The following OSBPL10 variants were observed in gnomAD, a reference collection of about 807,000 sequenced individuals.
The protein encoded by OSBPL10 is oxysterol binding protein like 10.
A neutral mutation model predicts 81.7 loss-of-function variants in OSBPL10; 49 were observed. The observed-to-expected ratio is 0.60, with a 90% CI of 0.48 to 0.76. OSBPL10 has a LOEUF of 0.76. Among genes scored for constraint, OSBPL10 ranks in the 30% least tolerant of loss-of-function variants. OSBPL10 has a pLI of 0.00. For synonymous variants in OSBPL10, 419 were observed against 383.6 expected (o/e 1.09, Z -1.08); for missense variants, 923 against 987.8 (o/e 0.93, Z 0.88).
Position 31,911,624 on chromosome 3 carries a change from C to T in OSBPL10, c.282-31794G>A, listed in dbSNP as rs190915967. On this transcript the variant is annotated intron_variant, in intron 1 of 11. Transcript: ENST00000396556. ...TAGCTGATGGACTTTAAAAAAAAAT[C>T]TCAAAAAAAAAAAAACTCATGTTTT... Among the ~76,000 whole-genome samples the T allele has an allele frequency of 6.6e-5, 10 of 150,480 alleles. No individual in the cohort carries two copies. In the East Asian group the frequency reaches 1.7e-3, roughly 26 times the overall value.
intron 3 of OSBPL10, among the ~76,000 whole-genome samples, chr3:31,863,966 A>C (rs1701116405): frequency 6.6e-6 from 1 of 152,222 alleles, no homozygotes; most frequent in Non-Finnish European, 1.5e-5. Flanking sequence ...AAGGAGAAGA[A>C]GAAGGAAGAA....
At chr3:31,688,030 C>T (rs939787030) in intron 7 of OSBPL10, among the ~76,000 whole-genome samples, 1 of 151,906 alleles carries the variant, frequency 6.6e-6, no homozygotes. Flanking sequence ...CAAGAAAATC[C>T]ACCATTCCAA....
chr3:32,043,157 A>C (rs1387449579), intron 2 of OSBPL10, among the ~76,000 whole-genome samples: 1 of 151,772 alleles, frequency 6.6e-6, no homozygotes, highest in Non-Finnish European at 1.5e-5. Context: ...CTGTTTATAG[A>C]CCTCCCCCAA....
At chr3:31,688,181 A>G (rs1309547498) in intron 7 of OSBPL10, among the ~76,000 whole-genome samples, 1 of 151,728 alleles carries the variant, frequency 6.6e-6, no homozygotes, top group Admixed American at 6.6e-5. Flanking sequence ...TCATCTTTCT[A>G]AAATCTATGT....
rs200732197 is a variant in OSBPL10, at chr3:31,810,426, AT to A, written c.729+19613del. Among the ~76,000 whole-genome samples, 603 of 151,338 alleles carry A rather than the reference AT, an allele frequency of 4.0e-3. 12 individuals are homozygous for A. Among genetic ancestry groups the A allele is most frequent in the South Asian group, 0.036 (173 of 4,800 alleles). Reference sequence around the variant, plus strand: ...AAACAATAATCTTAGAGTGAAAAAAATGTTTATAATAATGACACAGAACTCC... The same window carrying A: ...AAACAATAATCTTAGAGTGAAAAAAAGTTTATAATAATGACACAGAACTCC... On this transcript the variant is annotated intron_variant, in intron 4 of 11. Coordinates refer to ENST00000396556, the MANE Select transcript of OSBPL10 (RefSeq NM_017784.5).
intron 4 of OSBPL10, among the ~76,000 whole-genome samples, chr3:31,819,415 T>C (rs550715805): frequency 6.6e-6 from 1 of 152,346 alleles, no homozygotes; most frequent in African/African-American, 2.4e-5. Context: ...ATACGAGAGA[T>C]GTAATGTGAC....
chr3:31,838,822 A>G (rs1040181959), intron 3 of OSBPL10, among the ~76,000 whole-genome samples: 9 of 152,238 alleles, frequency 5.9e-5, no homozygotes, highest in African/African-American at 2.2e-4. Flanking sequence ...TGGAGCTAAT[A>G]CTTTAAATTG....
chr3:31,679,021 C>A (rs1342811327), intron 8 of OSBPL10, among the ~76,000 whole-genome samples: 1 of 152,040 alleles, frequency 6.6e-6, no homozygotes, highest in African/African-American at 2.4e-5. Context: ...AATCAGATCC[C>A]AAAATGTGGC....
intron 7 of OSBPL10, among the ~76,000 whole-genome samples, chr3:31,686,987 A>C (rs1358513233): frequency 2.6e-5 from 4 of 152,162 alleles, no homozygotes; most frequent in Non-Finnish European, 5.9e-5. Flanking sequence ...AACTCCACCC[A>C]GACAGGGTGC....
chr3:32,070,119 C>T lies in OSBPL10; in HGVS notation n.185+7277G>A, dbSNP rs569586509. Among the ~76,000 whole-genome samples, 266 of 152,298 alleles carry T rather than the reference C, an allele frequency of 1.7e-3. 2 individuals are homozygous for T. Among genetic ancestry groups the T allele is most frequent in the Middle Eastern group, 0.017 (5 of 294 alleles). ...TGGAAGCCCCCTGGACCATCACGGA[C>T]GCCGAGCTTTAGGTAACTCTTATGG... On this transcript the variant is annotated intron_variant and non_coding_transcript_variant, in intron 1 of 3. Transcript: ENST00000479173.
At chr3:31,680,030 C>A (rs528033002) in intron 8 of OSBPL10, among the ~76,000 whole-genome samples, 5 of 152,256 alleles carry the variant, frequency 3.3e-5, no homozygotes, top group African/African-American at 1.2e-4. Context: ...TTTTTGAAAC[C>A]TGCCAGGGGG....
chr3:31,926,886 G>C (rs1697090221), intron 1 of OSBPL10, among the ~76,000 whole-genome samples: 1 of 152,078 alleles, frequency 6.6e-6, no homozygotes, highest in South Asian at 2.1e-4. Flanking sequence ...GAGGCAGGTG[G>C]ATCACTTGAA....
chr3:31,924,506 CA>C (rs1462295027), intron 1 of OSBPL10, among the ~76,000 whole-genome samples: 1 of 152,120 alleles, frequency 6.6e-6, no homozygotes, highest in East Asian at 1.9e-4. Flanking sequence ...TCCTGGATAA[CA>C]AAATCTCTCC....
chr3:31,791,629 GA>G (rs1559466735), intron 4 of OSBPL10, among the ~76,000 whole-genome samples: 1 of 151,848 alleles, frequency 6.6e-6, no homozygotes, highest in African/African-American at 2.4e-5. Context: ...GCACACTAGT[GA>G]CTTAAAGAGG....
chr3:31,818,619 C>T (rs1699907494), intron 4 of OSBPL10, among the ~76,000 whole-genome samples: 1 of 152,190 alleles, frequency 6.6e-6, no homozygotes, highest in Non-Finnish European at 1.5e-5. Flanking sequence ...ATCAACTTCT[C>T]CACTAACCGC....
chr3:31,827,478 T>C (rs551772507), intron 4 of OSBPL10, among the ~76,000 whole-genome samples: 150 of 151,986 alleles, frequency 9.9e-4, no homozygotes, highest in African/African-American at 3.5e-3. Flanking sequence ...CTACCAAAAA[T>C]ACAAAAAATT....
At chr3:31,903,566 A>C (rs1456546971) in intron 1 of OSBPL10, among the ~76,000 whole-genome samples, 1 of 152,102 alleles carries the variant, frequency 6.6e-6, no homozygotes, top group Admixed American at 6.5e-5. Flanking sequence ...CCTGGACTCA[A>C]ACAATCCTCC....
At chr3:31,896,443 G>C (rs1252890520) in intron 1 of OSBPL10, among the ~76,000 whole-genome samples, 1 of 152,170 alleles carries the variant, frequency 6.6e-6, no homozygotes, top group Non-Finnish European at 1.5e-5. Flanking sequence ...TTCCAACTCT[G>C]GACAATGTGG....
chr3:32,039,493 A>G (rs1171805212), intron 2 of OSBPL10, among the ~76,000 whole-genome samples: 1 of 151,792 alleles, frequency 6.6e-6, no homozygotes, highest in Admixed American at 6.6e-5. Flanking sequence ...CCCTGTCTCT[A>G]CTAAAGATAC....
Sources: allele counts gnomAD v4.1 joint callset (sites outside exome capture counted in the v4.1 genomes callset), GRCh38; gene constraint gnomAD v4.1.1; transcripts MANE v1.5; gene names NCBI Gene and HGNC (gene_info 2026-07-23, HGNC 2026-07-21).